The following ST8SIA5 variants were observed in gnomAD, a reference collection of about 807,000 sequenced individuals.
ST8SIA5 encodes alpha-2,8-sialyltransferase 8E.
In ST8SIA5, 24 loss-of-function variants were observed where a neutral mutation model predicts 40.2. The observed-to-expected ratio is 0.60, with a 90% CI of 0.43 to 0.84. The LOEUF is 0.84. Among genes scored for constraint, ST8SIA5 ranks in the 40% least tolerant of loss-of-function variants. The pLI, the probability that ST8SIA5 is intolerant of heterozygous loss-of-function variation, is 0.00. For synonymous variants in ST8SIA5, 198 were observed against 201.8 expected, an observed-to-expected ratio of 0.98 and a Z score of 0.16; for missense variants, 465 against 498.5, an observed-to-expected ratio of 0.93 and a Z score of 0.64.
At chr18:46,682,157 G>A in intron 5 of ST8SIA5, 93 bp from the exon 6 acceptor site, 1 of 1,003,128 alleles carries the variant, frequency 1.0e-6, no homozygotes, top group Non-Finnish European at 1.4e-6. Flanking sequence ...GTGATCATGT[G>A]GGCAGAGGGA....
intron 5 of ST8SIA5, among the ~76,000 whole-genome samples, chr18:46,683,191 G>A (rs566569098): frequency 1.1e-4 from 17 of 152,266 alleles, no homozygotes; most frequent in East Asian, 1.9e-4. Flanking sequence ...AGGGGGAAAC[G>A]GAGGTAGAAT....
At chr18:46,692,617 G>A (rs1006444904) in intron 2 of ST8SIA5, among the ~76,000 whole-genome samples, 2 of 152,056 alleles carry the variant, frequency 1.3e-5, no homozygotes, top group African/African-American at 4.8e-5. Flanking sequence ...TGGCCAGGCT[G>A]GTTTCGAGCT....
At chr18:46,682,129 A>C in intron 5 of ST8SIA5, 65 bp from the exon 6 acceptor site, 49 of 733,016 alleles carry the variant, frequency 6.7e-5, no homozygotes, top group Non-Finnish European at 1.0e-4. Context: ...GGGAGGGTGC[A>C]GGGGGAGGGG....
At chr18:46,736,228 G>A (rs372530905) in intron 1 of ST8SIA5, among the ~76,000 whole-genome samples, 1 of 152,146 alleles carries the variant, frequency 6.6e-6, no homozygotes, top group Non-Finnish European at 1.5e-5. Flanking sequence ...CAACTCAGAC[G>A]CAACACTTCC....
intron 1 of ST8SIA5, chr18:46,721,279 G>A: frequency 8.0e-7 from 1 of 1,249,322 alleles, no homozygotes; most frequent in Non-Finnish European, 1.1e-6. Flanking sequence ...TTCCACCCTA[G>A]GAAGTGGACA....
chr18:46,708,626 C>CT (rs138205791), intron 1 of ST8SIA5, among the ~76,000 whole-genome samples: 1,959 of 152,284 alleles, frequency 0.013, 45 homozygotes, highest in African/African-American at 0.045. Flanking sequence ...TCCTAGGCAA[C>CT]TAGGGATAAC....
intron 2 of ST8SIA5, among the ~76,000 whole-genome samples, chr18:46,699,378 C>CT (rs558108694): frequency 2.0e-5 from 3 of 150,972 alleles, no homozygotes; most frequent in African/African-American, 4.9e-5. Flanking sequence ...CTTTCTCCCT[C>CT]TTTTTTTTTC....
At chr18:46,735,488 TG>T (rs2040024990) in intron 1 of ST8SIA5, among the ~76,000 whole-genome samples, 1 of 152,232 alleles carries the variant, frequency 6.6e-6, no homozygotes, top group Non-Finnish European at 1.5e-5. Context: ...TAAAAATTCA[TG>T]TAATAAAATT....
At chr18:46,743,975 C>G (rs601291) in intron 1 of ST8SIA5, among the ~76,000 whole-genome samples, 109,722 of 151,960 alleles carry the variant, frequency 0.72, 40,122 homozygotes, top group Middle Eastern at 0.8. Flanking sequence ...AGCTTCATAA[C>G]TGAAGGAGAA....
rs1568270568 is a variant in ST8SIA5 at position 46,725,043 on chromosome 18, G to GGAAGGAAA, written c.132-20387_132-20380dup. On this transcript the variant is annotated intron_variant, in intron 1 of 6. Transcript: ENST00000315087. ...AGGAAGGAAGGAAGGAAGGAAGGAAGGAAGGAAAAGAGAGAAAGAAAGGAA... is the reference window on the plus strand; with the variant it reads ...AGGAAGGAAGGAAGGAAGGAAGGAAGGAAGGAAAGAAGGAAAAGAGAGAAAGAAAGGAA... 2.1e-5 allele frequency among the ~76,000 whole-genome samples: 3 copies of GGAAGGAAA among 141,236 alleles called. No individual in the cohort carries two copies. In the East Asian group the frequency reaches 6.2e-4, roughly 29 times the overall value. 92.7% of individuals were successfully genotyped at this position (141,236 alleles called of 152,430 possible).
At chr18:46,696,754 T>A (rs1042391903) in intron 2 of ST8SIA5, among the ~76,000 whole-genome samples, 1 of 151,970 alleles carries the variant, frequency 6.6e-6, no homozygotes, top group Admixed American at 6.6e-5. Flanking sequence ...TTTTCTCCTT[T>A]CTCCCAAGAC....
chr18:46,708,589 C>G (rs1174332105), intron 1 of ST8SIA5, among the ~76,000 whole-genome samples: 1 of 152,128 alleles, frequency 6.6e-6, no homozygotes, highest in Non-Finnish European at 1.5e-5. Flanking sequence ...ACTGGAATAG[C>G]TCTTCCCCAC....
chr18:46,668,050 C>T lies in ST8SIA5; in HGVS notation c.*11992G>A, dbSNP rs1170876690. 6.6e-6 allele frequency: 1 copy of T among 152,270 alleles called. No individual in the cohort carries two copies. Among genetic ancestry groups the T allele is most frequent in the Non-Finnish European group, 1.5e-5 (1 of 68,096 alleles). The allele number at this position is 152,270 out of a possible 1,614,324, so 9.4% of individuals were successfully genotyped here. A position where few individuals can be genotyped will look rare whatever the true frequency, so the allele number is the denominator to read the frequency against. On this transcript the variant is annotated 3_prime_UTR_variant, in exon 7 of 7. Coordinates refer to ENST00000315087, the MANE Select transcript of ST8SIA5 (RefSeq NM_013305.6). ...AAAAATAAGATCAGGCCTGCAGCCC[C>T]CATGTCCCCAAACTGTCTTTGAATG...
chr18:46,688,938 G>A lies in ST8SIA5; in HGVS notation c.312-19C>T. On this transcript the variant is annotated intron_variant, in intron 3 of 6. Coordinates refer to ENST00000315087, the MANE Select transcript of ST8SIA5 (RefSeq NM_013305.6). ...AGTAGACCTGCCAGGCAGGGAGACAGGCAGGAAAGACGTGATGCAGGAAAG... is the reference window on the plus strand; with the variant it reads ...AGTAGACCTGCCAGGCAGGGAGACAAGCAGGAAAGACGTGATGCAGGAAAG... 7.5e-6 allele frequency: 12 copies of A among 1,603,398 alleles called. No homozygotes were observed. Among genetic ancestry groups the A allele is most frequent in the Non-Finnish European group, 1.0e-5 (12 of 1,175,350 alleles).
At chr18:46,743,830 C>T (rs1192025249) in intron 1 of ST8SIA5, among the ~76,000 whole-genome samples, 10 of 152,138 alleles carry the variant, frequency 6.6e-5, no homozygotes, top group Non-Finnish European at 1.5e-4. Flanking sequence ...GTCGGGTTAC[C>T]CACAAAGGGA....
chr18:46,703,839 G>T (rs1340786732), intron 2 of ST8SIA5, among the ~76,000 whole-genome samples: 2 of 152,328 alleles, frequency 1.3e-5, no homozygotes, highest in African/African-American at 2.4e-5. Flanking sequence ...ATTCATGGCA[G>T]TTCTGTGAAG....
intron 1 of ST8SIA5, among the ~76,000 whole-genome samples, chr18:46,726,017 TATATATATATATCCTGG>T (rs1568271527): frequency 4.8e-4 from 42 of 87,240 alleles, no homozygotes; most frequent in South Asian, 8.4e-4. Flanking sequence ...ATATCCTGGA[TATATATATATATCCTGG>T]ATATATATAT....
intron 2 of ST8SIA5, among the ~76,000 whole-genome samples, chr18:46,695,577 A>C (rs2039549662): frequency 6.6e-6 from 1 of 152,212 alleles, no homozygotes; most frequent in Admixed American, 6.5e-5. Context: ...AGTACATATA[A>C]GTTATTAGTA....
rs2144454057 is a variant in ST8SIA5 at position 46,679,823 on chromosome 18, C to T, written c.*219G>A. On this transcript the variant is annotated 3_prime_UTR_variant, in exon 7 of 7. Transcript: ENST00000315087. The stretch of plus-strand genomic sequence containing the variant: ...CAGGTGGACGCACTGGGCGGATGCA[C>T]CGGTGGGGGCCAGGCCAGGAGGCTC... The T allele has an allele frequency of 1.0e-5, 6 of 586,394 alleles. 1 individual carries two copies. The South Asian group carries it at 1.2e-4, about 12-fold the overall frequency. The allele number at this position is 586,394 out of a possible 1,614,324, so 36.3% of individuals were successfully genotyped here. A position where few individuals can be genotyped will look rare whatever the true frequency, so the allele number is the denominator to read the frequency against.
Sources: allele counts gnomAD v4.1 joint callset (sites outside exome capture counted in the v4.1 genomes callset), GRCh38; gene constraint gnomAD v4.1.1; transcripts MANE v1.5; gene names NCBI Gene and HGNC (gene_info 2026-07-23, HGNC 2026-07-21).